The following ZP2 variants were observed in gnomAD, a reference collection of about 807,000 sequenced individuals.
ZP2 encodes the protein zona pellucida sperm-binding protein 2.
A neutral mutation model predicts 84.0 loss-of-function variants in ZP2; 51 were observed. The ratio of observed to expected loss-of-function variants is 0.61; its 90% CI spans 0.49 to 0.77. ZP2 has a LOEUF of 0.77. ZP2 is among the 30% of genes least tolerant of loss of function. ZP2 has a pLI of 0.00. For missense variants in ZP2, 909 were observed against 911.9 expected (o/e 1.00, Z 0.04); for synonymous variants, 375 against 330.9 (o/e 1.13, Z -1.45).
chr16:21,205,674 A>G, intron 6 of ZP2, 57 bp downstream of exon 6: 1 of 1,612,680 alleles, frequency 6.2e-7, no homozygotes, highest in Non-Finnish European at 8.5e-7. Flanking sequence ...AGGTAATATC[A>G]CCTTTAACAT....
chr16:21,198,073 A>C, intron 17 of ZP2: 1 of 472,536 alleles, frequency 2.1e-6, no homozygotes, highest in Non-Finnish European at 3.7e-6. Flanking sequence ...TTTGACTACT[A>C]TACAAGAAAT....
At chr16:21,209,375 G>A (rs2093264304) in intron 4 of ZP2, among the ~76,000 whole-genome samples, 1 of 152,126 alleles carries the variant, frequency 6.6e-6, no homozygotes, top group Non-Finnish European at 1.5e-5. Flanking sequence ...CACCATGTTG[G>A]CCAGGCTGGT....
At chr16:21,210,025 G>A in intron 3 of ZP2, 84 bp downstream of exon 3, 1 of 1,251,756 alleles carries the variant, frequency 8.0e-7, no homozygotes, top group Non-Finnish European at 1.2e-6. Flanking sequence ...AGGAGTTTGG[G>A]TACTCTGCTC....
chr16:21,203,297 C>T (rs193015744), intron 9 of ZP2, 46 bp from the exon 10 acceptor site: 13 of 1,606,252 alleles, frequency 8.1e-6, no homozygotes, highest in Admixed American at 6.7e-5. Context: ...CGTTGGGGCC[C>T]GGAACCGTCA....
Position 21,204,394 on chromosome 16 carries a change from C to T in ZP2, c.704G>A (p.Ser235Asn), listed in dbSNP as rs372866511. The change falls in exon 8 of 19, where the codon AGT becomes AAT. Residue 235 changes from serine (S) to asparagine (N), a missense_variant. Ser to Asn is a conservative substitution (Grantham distance 46, BLOSUM62 1). Transcript: ENST00000574091. ...CTTCAGAGACACCATGTAGAGATGA[C>T]TGTTACCTTGCTAGGGGGAGAAATA... is the stretch of plus-strand genomic sequence containing the variant. The part of the protein sequence containing the change: ...TGVTHYVQGN[S>N]HLYMVSLKLT... The T allele has an allele frequency of 6.2e-7, 1 of 1,613,480 alleles. No homozygotes were observed. Among genetic ancestry groups the T allele is most frequent in the Non-Finnish European group, 8.5e-7 (1 of 1,179,690 alleles).
chr16:21,211,880 G>T, upstream of ZP2: 1 of 890,962 alleles, frequency 1.1e-6, no homozygotes, highest in Non-Finnish European at 1.5e-6. Flanking sequence ...GAGCCAAAGA[G>T]AATCATGGGC....
chr16:21,210,813 G>A (rs7187567), intron 2 of ZP2, among the ~76,000 whole-genome samples: 1 of 151,672 alleles, frequency 6.6e-6, no homozygotes, highest in African/African-American at 2.4e-5. Context: ...GAGCTCAGGT[G>A]ATCTGCCCGC....
chr16:21,210,110 C>G lies in ZP2; in HGVS notation c.234G>C (p.Val78=), dbSNP rs1231021483. 1 of 1,613,552 alleles carries G rather than the reference C, an allele frequency of 6.2e-7. No homozygotes were observed. Among genetic ancestry groups the G allele is most frequent in the Admixed American group, 1.7e-5 (1 of 59,976 alleles). Residue 78 remains valine, a splice_region_variant and synonymous_variant, in exon 3 of 19, where the codon GTG becomes GTC. Transcript: ENST00000574091. ...PGTKKWHASV[V]DPLGLDMPNC... ...GAGGAGATAACACACGTTACCTACCCACCACAGATGCATGCCATTTCTTGG... is the reference window on the plus strand; with the variant it reads ...GAGGAGATAACACACGTTACCTACCGACCACAGATGCATGCCATTTCTTGG...
At chr16:21,212,483 T>C (rs113957664), upstream of ZP2, among the ~76,000 whole-genome samples, 1 of 152,214 alleles carries the variant, frequency 6.6e-6, no homozygotes, top group Non-Finnish European at 1.5e-5. Context: ...TTTAAAACAC[T>C]GGGAGGAAAG....
chr16:21,209,465 G>A (rs2093264660), intron 4 of ZP2, among the ~76,000 whole-genome samples, 166 bp downstream of exon 4: 1 of 152,162 alleles, frequency 6.6e-6, no homozygotes, highest in African/African-American at 2.4e-5. Flanking sequence ...CATCACACCT[G>A]GCCTAGACAG....
At chr16:21,205,158 GTT>G (rs1208320072) in intron 7 of ZP2, among the ~76,000 whole-genome samples, 1 of 152,042 alleles carries the variant, frequency 6.6e-6, no homozygotes, top group African/African-American at 2.4e-5. Flanking sequence ...AAGTTTTTGT[GTT>G]TTTAGTAGAG....
upstream of ZP2, chr16:21,211,869 A>G: frequency 1.0e-6 from 1 of 972,788 alleles, no homozygotes; most frequent in South Asian, 2.1e-5. Context: ...ACTGCAATGT[A>G]GAGCCAAAGA....
rs2152855011 is a variant in ZP2 at position 21,201,804 on chromosome 16, C to G, written c.1406G>C (p.Arg469Thr). ...FRMTVKCSYS[R>T]NDMLLNINVE... ...GTTGATGTTTAGTAGCATGTCATTC[C>G]TGCTATAAGAACACTTCACTGTCAT... is the stretch of plus-strand genomic sequence containing the variant. The change falls in exon 13 of 19, where the codon AGG becomes ACG. Residue 469 changes from arginine (R) to threonine (T), a missense_variant. By Grantham distance (71) the Arg-to-Thr change is moderately conservative. Coordinates refer to ENST00000574091, the MANE Select transcript of ZP2 (RefSeq NM_001376232.1). 1 of 1,614,104 alleles carries G rather than the reference C, an allele frequency of 6.2e-7. No individual in the cohort carries two copies. The highest frequency in any genetic ancestry group is 2.2e-5 in the East Asian group (1 of 44,890).
At chr16:21,204,995 A>T (rs1419822915) in intron 7 of ZP2, among the ~76,000 whole-genome samples, 2 of 152,022 alleles carry the variant, frequency 1.3e-5, no homozygotes, top group African/African-American at 2.4e-5. Flanking sequence ...AGGATTATGT[A>T]TTTTTGAGAA....
At chr16:21,208,766 G>T (rs772234441) in intron 4 of ZP2, among the ~76,000 whole-genome samples, 9 of 152,188 alleles carry the variant, frequency 5.9e-5, no homozygotes, top group Non-Finnish European at 1.2e-4. Context: ...GGGGTTCACA[G>T]ATCAAAATAG....
chr16:21,203,881 A>T, intron 9 of ZP2, 149 bp downstream of exon 9: 1 of 752,064 alleles, frequency 1.3e-6, no homozygotes, highest in South Asian at 1.7e-5. Flanking sequence ...CACTTATACA[A>T]GATGATCAAA....
In ZP2 at chr16:21,210,123, T is replaced by A; in HGVS notation, c.221A>T (p.His74Leu). The A allele has an allele frequency of 6.2e-7, 1 of 1,614,000 alleles. No individual in the cohort carries two copies. The highest frequency in any genetic ancestry group is 8.5e-7 in the Non-Finnish European group (1 of 1,179,950). The change falls in exon 3 of 19, where the codon CAT becomes CTT. Residue 74 changes from histidine to leucine, a missense_variant. By Grantham distance (99) the His-to-Leu change is moderately conservative. Coordinates refer to ENST00000574091, the MANE Select transcript of ZP2 (RefSeq NM_001376232.1). The part of the protein sequence containing the change: ...FPSSPGTKKW[H>L]ASVVDPLGLD... ...ACGTTACCTACCCACCACAGATGCATGCCATTTCTTGGTGCCAGGACTGCT... is the reference window on the plus strand; with the variant it reads ...ACGTTACCTACCCACCACAGATGCAAGCCATTTCTTGGTGCCAGGACTGCT...
In ZP2 at chr16:21,199,808, G is replaced by A. The variant is rs2152854597; in HGVS notation, c.1765C>T (p.His589Tyr). 1 of 1,613,934 alleles carries A rather than the reference G, an allele frequency of 6.2e-7. No individual in the cohort carries two copies. The highest frequency in any genetic ancestry group is 2.2e-5 in the East Asian group (1 of 44,886). ...GCCTTCATGTCAAACCTCTGATAGT[G>A]ATCAGGATGGGTCACAGAGGAGCCG... ...PVGSSVTHPD[H>Y]YQRFDMKAFA... The change falls in exon 15 of 19, where the codon CAC becomes TAC. Residue 589 changes from histidine (H) to tyrosine (Y), a missense_variant. By Grantham distance (83) the His-to-Tyr change is moderately conservative. Coordinates refer to ENST00000574091, the MANE Select transcript of ZP2 (RefSeq NM_001376232.1).
intron 4 of ZP2, among the ~76,000 whole-genome samples, chr16:21,208,065 A>C (rs2093258483): frequency 6.6e-6 from 1 of 152,048 alleles, no homozygotes; most frequent in South Asian, 2.1e-4. Context: ...GACAAGACAA[A>C]GATTAGACAG....
Sources: allele counts gnomAD v4.1 joint callset (sites outside exome capture counted in the v4.1 genomes callset), GRCh38; gene constraint gnomAD v4.1.1; transcripts MANE v1.5; gene names NCBI Gene and HGNC (gene_info 2026-07-23, HGNC 2026-07-21).